HOXD11: variants seen among roughly 807,000 people sequenced by gnomAD.
The protein encoded by HOXD11 is homeobox D11, also known as homeobox protein Hox-D11.
In HOXD11, 16 loss-of-function variants were observed where a neutral mutation model predicts 23.1. The ratio of observed to expected loss-of-function variants is 0.69; its 90% CI spans 0.47 to 1.05. The LOEUF is 1.05. Among genes scored for constraint, HOXD11 ranks in the 50% least tolerant of loss-of-function variants. The probability of loss-of-function intolerance (pLI) is 0.00; values close to 1 mark genes in which losing one functional copy is unlikely to be tolerated. For synonymous variants in HOXD11, 262 were observed against 224.4 expected, an observed-to-expected ratio of 1.17 and a Z score of -1.50; for missense variants, 564 against 495.6, an observed-to-expected ratio of 1.14 and a Z score of -1.31.
downstream of HOXD11, among the ~76,000 whole-genome samples, chr2:176,113,849 T>C (rs570199195): frequency 6.6e-6 from 1 of 152,212 alleles, no homozygotes; most frequent in South Asian, 2.1e-4. Flanking sequence ...GGGAGTGACT[T>C]TGAGCTCAAA....
Position 176,108,898 on chromosome 2 carries a change from G to T in HOXD11, c.782-9G>T. On this transcript the variant is annotated splice_polypyrimidine_tract_variant and intron_variant, in intron 1 of 1. Coordinates refer to ENST00000249504, the MANE Select transcript of HOXD11 (RefSeq NM_021192.3). The stretch of plus-strand genomic sequence containing the variant: ...GCCTCTCTCACCCCCTGGTCTCTTT[G>T]CCTTGCAGTTGCCCCCCAGCGGTCC... 1 of 1,605,456 alleles carries T rather than the reference G, an allele frequency of 6.2e-7. No homozygotes were observed. Among genetic ancestry groups the T allele is most frequent in the Non-Finnish European group, 8.5e-7 (1 of 1,172,352 alleles).
rs1337161790 is a variant in HOXD11, at chr2:176,109,517, T to A, written c.*375T>A. The A allele has an allele frequency of 1.5e-5, 4 of 271,186 alleles. No individual in the cohort carries two copies. Among genetic ancestry groups the A allele is most frequent in the Non-Finnish European group, 2.1e-5 (3 of 142,162 alleles). 16.8% of individuals were successfully genotyped at this position (271,186 alleles called of 1,614,324 possible). ...GTGTTTTGCTCTGAGTTTTAAGAGA[T>A]CCCTTCCTTCCTCTTCGGTGAATGC... On this transcript the variant is annotated 3_prime_UTR_variant, in exon 2 of 2. Coordinates refer to ENST00000249504, the MANE Select transcript of HOXD11 (RefSeq NM_021192.3).
At chr2:176,113,313 G>C (rs1311815413), downstream of HOXD11, among the ~76,000 whole-genome samples, 4 of 152,348 alleles carry the variant, frequency 2.6e-5, no homozygotes, top group Middle Eastern at 3.4e-3. Flanking sequence ...CAGGAGACAA[G>C]AGTGCAGATG....
chr2:176,108,656 G>GCT, intron 1 of HOXD11: 2 of 274,254 alleles, frequency 7.3e-6, no homozygotes, highest in Admixed American at 6.5e-5. Flanking sequence ...TCCGTGCCAG[G>GCT]CTCTGTGTGT....
chr2:176,111,016 C>A (rs372518134), downstream of HOXD11, among the ~76,000 whole-genome samples: 56 of 152,348 alleles, frequency 3.7e-4, no homozygotes, highest in African/African-American at 1.3e-3. Context: ...AGAGGAAGTT[C>A]TGTGCAGCCT....
rs946920768 is a variant in HOXD11, at chr2:176,107,344, C to A, written c.-12C>A. 1.2e-5 allele frequency: 19 copies of A among 1,566,452 alleles called. No homozygotes were observed. The highest frequency in any genetic ancestry group is 1.6e-5 in the Non-Finnish European group (19 of 1,158,340). ...GCGGCCAGAGGCTCGCTGGCGCGCA[C>A]GCCGCGGAGTCATGAACGACTTTGA... On this transcript the variant is annotated 5_prime_UTR_variant, in exon 1 of 2. Transcript: ENST00000249504.
In HOXD11 at chr2:176,107,910, G is replaced by A. The variant is rs1465468061; in HGVS notation, c.555G>A (p.Ala185=). The change falls in exon 1 of 2, where the codon GCG becomes GCA. Residue 185 remains alanine, a synonymous_variant. Transcript: ENST00000249504. ...GCTTCGACCAGTTCTACGAGGCAGC[G>A]CCCGGGCCCCCGTTCGCCGGGCCGC... The part of the protein sequence containing the change: ...PQGFDQFYEA[A]PGPPFAGPQP... The A allele has an allele frequency of 2.1e-6, 3 of 1,434,006 alleles. No homozygotes were observed. The highest frequency in any genetic ancestry group is 2.7e-6 in the Non-Finnish European group (3 of 1,092,676). 88.8% of individuals were successfully genotyped at this position (1,434,006 alleles called of 1,614,324 possible). A position where few individuals can be genotyped will look rare whatever the true frequency, so the allele number is the denominator to read the frequency against.
Position 176,107,595 on chromosome 2 carries a change from CGGCGGCAGCGCGGGG to C in HOXD11, c.250_264del (p.Ala84_Ser88del), listed in dbSNP as rs751022520. The C allele has an allele frequency of 3.0e-6, 4 of 1,345,622 alleles. No homozygotes were observed. The highest frequency in any genetic ancestry group is 3.9e-6 in the Non-Finnish European group (4 of 1,033,770). 83.4% of individuals were successfully genotyped at this position (1,345,622 alleles called of 1,614,324 possible). A position where few individuals can be genotyped will look rare whatever the true frequency, so the allele number is the denominator to read the frequency against. ...AGTGGCCGTACCGCGGCGGCGGCGGCGGCGGCAGCGCGGGGGGCGGCAGCAGCGGGGGCGGCCCCG... is the reference window on the plus strand; with the variant it reads ...AGTGGCCGTACCGCGGCGGCGGCGGCGGCGGCAGCAGCGGGGGCGGCCCCG... On this transcript the variant is annotated inframe_deletion, in exon 1 of 2. Coordinates refer to ENST00000249504, the MANE Select transcript of HOXD11 (RefSeq NM_021192.3).
In HOXD11 at chr2:176,109,741, GA is replaced by G. The variant is rs775675940; in HGVS notation, c.*602del. The G allele has an allele frequency of 4.5e-4, 83 of 182,776 alleles. No individual in the cohort carries two copies. The highest frequency in any genetic ancestry group is 8.3e-4 in the Non-Finnish European group (71 of 86,010). 11.3% of individuals were successfully genotyped at this position (182,776 alleles called of 1,614,324 possible). ...GAACCCATGCAACTGAAAATCGAAT[GA>G]AATACTTTTTAGTCCCACTAAAATA... On this transcript the variant is annotated 3_prime_UTR_variant, in exon 2 of 2. Coordinates refer to ENST00000249504, the MANE Select transcript of HOXD11 (RefSeq NM_021192.3).
chr2:176,108,748 T>G, intron 1 of HOXD11, 159 bp from the exon 2 acceptor site: 1 of 579,452 alleles, frequency 1.7e-6, no homozygotes, highest in Non-Finnish European at 3.1e-6. Flanking sequence ...TGCCCGCCCA[T>G]ATATCATCCC....
In HOXD11 at chr2:176,108,060, G is replaced by T; in HGVS notation, c.705G>T (p.Lys235Asn). The T allele has an allele frequency of 6.7e-7, 1 of 1,484,938 alleles. No individual in the cohort carries two copies. Among genetic ancestry groups the T allele is most frequent in the Non-Finnish European group, 8.9e-7 (1 of 1,124,100 alleles). 92.0% of individuals were successfully genotyped at this position (1,484,938 alleles called of 1,614,324 possible). A position where few individuals can be genotyped will look rare whatever the true frequency, so the allele number is the denominator to read the frequency against. ...AGGCGACCCCTGGCTCGGAGCCCAA[G>T]GGGGCAGCAGAAGGCAGCGGTGGCG... Reference protein sequence around the residue: ...CTKATPGSEPKGAAEGSGGDG... With the variant: ...CTKATPGSEPNGAAEGSGGDG... Residue 235 changes from lysine to asparagine, a missense_variant, in exon 1 of 2, where the codon AAG (lysine) becomes AAT (asparagine). Physicochemically the swap from Lys to Asn is moderately conservative, Grantham distance 94 (BLOSUM62 0). Transcript: ENST00000249504.
chr2:176,111,826 CAAA>C (rs1176283938), downstream of HOXD11, among the ~76,000 whole-genome samples: 288 of 22,722 alleles, frequency 0.013, 1 homozygote, highest in African/African-American at 0.053. Context: ...CTCCCCCCCG[CAAA>C]AAAAAAAAAA....
chr2:176,108,786 G>A (rs1574949805), intron 1 of HOXD11, 121 bp from the exon 2 acceptor site: 2 of 659,814 alleles, frequency 3.0e-6, no homozygotes, highest in East Asian at 2.7e-5. Context: ...CCTTTCGGCC[G>A]CGGCAGAGAA....
intron 1 of HOXD11, among the ~76,000 whole-genome samples, chr2:176,108,556 G>A (rs1689622698): frequency 6.6e-6 from 1 of 152,074 alleles, no homozygotes. Context: ...GCGCGCCGCT[G>A]GAGTCAAGCA....
At chr2:176,108,873 G>C (rs774549217) in intron 1 of HOXD11, 34 bp from the exon 2 acceptor site, 2 of 1,497,602 alleles carry the variant, frequency 1.3e-6, no homozygotes, top group East Asian at 4.5e-5. Context: ...TCAGGCAGCG[G>C]CCTCTCTCAC....
downstream of HOXD11, among the ~76,000 whole-genome samples, chr2:176,110,606 C>A (rs1015760712): frequency 2.6e-5 from 4 of 152,088 alleles, no homozygotes; most frequent in African/African-American, 4.8e-5. Flanking sequence ...TAAATGTATG[C>A]CTTTGAACTT....
Position 176,107,445 on chromosome 2 carries a change from C to T in HOXD11, c.90C>T (p.Ser30=). The change falls in exon 1 of 2, where the codon AGC becomes AGT. Residue 30 remains serine, a synonymous_variant. Transcript: ENST00000249504. ...ATGTGGCCCCGTCTGACTTCGCTAG[C>T]AAGCCTTCGTTCCTTTCCCAACCGT... ...AYYVAPSDFA[S]KPSFLSQPSS... is the part of the protein sequence containing the mutation. The T allele has an allele frequency of 3.7e-6, 6 of 1,614,002 alleles. No homozygotes were observed. Among genetic ancestry groups the T allele is most frequent in the Non-Finnish European group, 5.1e-6 (6 of 1,179,942 alleles).
Position 176,107,524 on chromosome 2 carries a change from C to T in HOXD11, c.169C>T (p.Pro57Ser), listed in dbSNP as rs775387304. 3.7e-6 allele frequency: 6 copies of T among 1,613,260 alleles called. No individual in the cohort carries two copies. Among genetic ancestry groups the T allele is most frequent in the Non-Finnish European group, 5.1e-6 (6 of 1,179,738 alleles). Residue 57 changes from proline (P) to serine (S), a missense_variant, in exon 1 of 2, where the codon CCC (proline) becomes TCC (serine). Coordinates refer to ENST00000249504, the MANE Select transcript of HOXD11 (RefSeq NM_021192.3). ...YSSNLAPHVQ[P>S]VREVAFRDYG... ...TTCCAACCTGGCTCCGCACGTCCAG[C>T]CCGTGCGCGAAGTGGCCTTCCGCGA... is the stretch of plus-strand genomic sequence containing the variant.
the HOXD11 span, among the ~76,000 whole-genome samples, chr2:176,115,517 A>G: frequency 6.6e-6 from 1 of 152,238 alleles, no homozygotes; most frequent in Non-Finnish European, 1.5e-5. Flanking sequence ...TTGATTTGTT[A>G]ATAAAGTATC....
Sources: allele counts gnomAD v4.1 joint callset (sites outside exome capture counted in the v4.1 genomes callset), GRCh38; gene constraint gnomAD v4.1.1; transcripts MANE v1.5; gene names NCBI Gene and HGNC (gene_info 2026-07-23, HGNC 2026-07-21).